Variants in ROBO2 observed in about 807,000 individuals in gnomAD.
ROBO2 encodes the protein roundabout guidance receptor 2.
ROBO2 carries 53 observed loss-of-function variants against 160.8 expected under a neutral mutation model. The observed-to-expected ratio is 0.33, with a 90% CI of 0.26 to 0.41. ROBO2 has a LOEUF of 0.41. Ranked by LOEUF, ROBO2 falls within the 10% of genes least tolerant of loss-of-function variation. The probability of loss-of-function intolerance (pLI) is 1.00; values close to 1 mark genes in which losing one functional copy is unlikely to be tolerated. For missense variants in ROBO2, 1,577 were observed against 1,722.4 expected (o/e 0.92, Z 1.49); for synonymous variants, 664 against 611.7 (o/e 1.09, Z -1.26).
intron 2 of ROBO2, among the ~76,000 whole-genome samples, chr3:77,003,353 T>A (rs1214774749): frequency 2.6e-5 from 4 of 152,188 alleles, no homozygotes; most frequent in Non-Finnish European, 5.9e-5. Context: ...TTTAGTGATA[T>A]TACCTAGCTC....
At chr3:77,449,522 G>A (rs1005229474) in intron 2 of ROBO2, among the ~76,000 whole-genome samples, 4 of 152,012 alleles carry the variant, frequency 2.6e-5, no homozygotes, top group African/African-American at 9.6e-5. Context: ...TTCAAAAAAG[G>A]GAAGAAAGAA....
At chr3:76,652,344 G>A (rs1216868726) in intron 2 of ROBO2, among the ~76,000 whole-genome samples, 1 of 152,106 alleles carries the variant, frequency 6.6e-6, no homozygotes, top group African/African-American at 2.4e-5. Flanking sequence ...GTGACAAGAT[G>A]GTTAGTTGGT....
At chr3:76,709,128 G>A (rs770254764) in intron 2 of ROBO2, among the ~76,000 whole-genome samples, 2 of 152,128 alleles carry the variant, frequency 1.3e-5, no homozygotes, top group Non-Finnish European at 2.9e-5. Context: ...ATATCCAATA[G>A]TACCATGAAA....
intron 2 of ROBO2, among the ~76,000 whole-genome samples, chr3:76,577,591 T>G (rs1342742434): frequency 6.6e-6 from 1 of 152,110 alleles, no homozygotes; most frequent in Non-Finnish European, 1.5e-5. Context: ...ACACCTGAAA[T>G]GTAGCCAGTG....
At chr3:75,994,329 T>A (rs606221) in intron 2 of ROBO2, among the ~76,000 whole-genome samples, 2 of 152,012 alleles carry the variant, frequency 1.3e-5, no homozygotes, top group African/African-American at 4.8e-5. Context: ...AAAATTGATA[T>A]GGTTTGGCTG....
At chr3:77,513,704 G>A (rs1000243062) in intron 5 of ROBO2, among the ~76,000 whole-genome samples, 4 of 151,638 alleles carry the variant, frequency 2.6e-5, no homozygotes, top group Middle Eastern at 3.4e-3. Flanking sequence ...TTCAGTTTTC[G>A]TTTTCTTTTT....
At chr3:76,465,266 T>C (rs538823056) in intron 2 of ROBO2, among the ~76,000 whole-genome samples, 9 of 152,198 alleles carry the variant, frequency 5.9e-5, no homozygotes, top group African/African-American at 2.2e-4. Context: ...GTCAAAAGTA[T>C]ATGTGAATGC....
intron 2 of ROBO2, among the ~76,000 whole-genome samples, chr3:76,361,215 G>A (rs2075498813): frequency 6.6e-6 from 1 of 152,044 alleles, no homozygotes; most frequent in East Asian, 1.9e-4. Context: ...AAACCAGCAA[G>A]CAAGGGTAGC....
intron 2 of ROBO2, among the ~76,000 whole-genome samples, chr3:76,263,884 C>G (rs1706928266): frequency 6.6e-6 from 1 of 152,088 alleles, no homozygotes; most frequent in Non-Finnish European, 1.5e-5. Flanking sequence ...GAATACTATG[C>G]AGCCATAAAA....
chr3:76,174,991 A>G (rs2073175750), intron 2 of ROBO2, among the ~76,000 whole-genome samples: 1 of 152,164 alleles, frequency 6.6e-6, no homozygotes. Flanking sequence ...CTTCCTATCC[A>G]TGAGCATGGA....
At chr3:76,191,739 G>T (rs982962305) in intron 2 of ROBO2, among the ~76,000 whole-genome samples, 4 of 151,888 alleles carry the variant, frequency 2.6e-5, no homozygotes, top group African/African-American at 9.7e-5. Context: ...TTTTAAAAAA[G>T]AAGGCATACA....
chr3:77,268,201 A>T lies in ROBO2; in HGVS notation c.388+169861A>T, dbSNP rs559759157. ...CTAGAGAAACATTTAATGTTTTTTAATTAGCTTCTTTTGTCTGAGTCTTCT... is the reference window on the plus strand; with the variant it reads ...CTAGAGAAACATTTAATGTTTTTTATTTAGCTTCTTTTGTCTGAGTCTTCT... On this transcript the variant is annotated intron_variant, in intron 2 of 25. Coordinates refer to ENST00000461745, the Ensembl canonical transcript of ROBO2. Among the ~76,000 whole-genome samples the T allele has an allele frequency of 3.9e-5, 6 of 152,344 alleles. No homozygotes were observed. In the East Asian group the frequency reaches 1.2e-3, roughly 29 times the overall value.
At chr3:76,809,862 G>A (rs1170611118) in intron 2 of ROBO2, among the ~76,000 whole-genome samples, 1 of 151,664 alleles carries the variant, frequency 6.6e-6, no homozygotes, top group East Asian at 1.9e-4. Flanking sequence ...GAAAATTAAT[G>A]GCAGAATACA....
chr3:76,869,342 GTTTTTT>G (rs34051755), intron 2 of ROBO2, among the ~76,000 whole-genome samples: 1 of 71,356 alleles, frequency 1.4e-5, no homozygotes. Context: ...AGAAATTGAT[GTTTTTT>G]TTTTTTTTTT....
At chr3:77,190,130 G>A (rs1277983778) in intron 2 of ROBO2, among the ~76,000 whole-genome samples, 1 of 151,840 alleles carries the variant, frequency 6.6e-6, no homozygotes, top group Non-Finnish European at 1.5e-5. Flanking sequence ...GTATTTTTCT[G>A]GGGGAAAATT....
intron 2 of ROBO2, among the ~76,000 whole-genome samples, chr3:76,449,612 G>A (rs1207966726): frequency 6.6e-6 from 1 of 152,152 alleles, no homozygotes; most frequent in African/African-American, 2.4e-5. Flanking sequence ...AGTTCCTGCA[G>A]TTAGAATTGT....
rs1425068843 is a variant in ROBO2, at chr3:77,249,427, T to TAAGA, written c.388+151089_388+151092dup. Among the ~76,000 whole-genome samples, 18 of 152,290 alleles carry TAAGA rather than the reference T, an allele frequency of 1.2e-4. 1 individual carries two copies. Among genetic ancestry groups the TAAGA allele is most frequent in the African/African-American group, 4.3e-4 (18 of 41,574 alleles). Reference sequence around the variant, plus strand: ...AACTCTGAAACGTCATGGCATCCAGTAAGAACAAAGTTTCTGTAGGAATTT... The same window carrying TAAGA: ...AACTCTGAAACGTCATGGCATCCAGTAAGAAAGAACAAAGTTTCTGTAGGAATTT... On this transcript the variant is annotated intron_variant, in intron 2 of 25. Transcript: ENST00000461745.
chr3:77,257,616 G>A (rs1171193062), intron 2 of ROBO2, among the ~76,000 whole-genome samples: 6 of 152,350 alleles, frequency 3.9e-5, no homozygotes, highest in African/African-American at 1.2e-4. Context: ...GGGCAGTGCA[G>A]TCTGTATGTA....
intron 2 of ROBO2, among the ~76,000 whole-genome samples, chr3:76,195,077 G>A (rs1253015718): frequency 6.6e-6 from 1 of 152,172 alleles, no homozygotes; most frequent in Middle Eastern, 3.4e-3. Flanking sequence ...CAGGCAACTT[G>A]TCTTAATCTC....
Sources: allele counts gnomAD v4.1 joint callset (sites outside exome capture counted in the v4.1 genomes callset), GRCh38; gene constraint gnomAD v4.1.1; transcripts MANE v1.5; gene names NCBI Gene and HGNC (gene_info 2026-07-23, HGNC 2026-07-21).